Variants in ATP6V0D1 observed in about 807,000 individuals in gnomAD.
ATP6V0D1 encodes V-type proton ATPase subunit d 1.
A neutral mutation model predicts 39.0 loss-of-function variants in ATP6V0D1; 13 were observed. The observed-to-expected ratio is 0.33, with a 90% CI of 0.22 to 0.53. ATP6V0D1 has a LOEUF of 0.53. Ranked by LOEUF, ATP6V0D1 falls within the 20% of genes least tolerant of loss-of-function variation. ATP6V0D1 has a pLI of 0.94. For synonymous variants in ATP6V0D1, 191 were observed against 191.2 expected (o/e 1.00, Z 0.01); for missense variants, 272 against 470.9 (o/e 0.58, Z 3.91).
At chr16:67,464,500 C>T (rs1354833067) in intron 1 of ATP6V0D1, among the ~76,000 whole-genome samples, 1 of 152,180 alleles carries the variant, frequency 6.6e-6, no homozygotes, top group East Asian at 1.9e-4. Flanking sequence ...TCGTCAGGCC[C>T]AGACCACATT....
intron 2 of ATP6V0D1, chr16:67,446,002 G>A (rs781563701): frequency 2.2e-6 from 1 of 455,002 alleles, no homozygotes; most frequent in East Asian, 6.9e-5. Flanking sequence ...CTGCTGTTCT[G>A]AGCTGGGCAC....
Position 67,453,525 on chromosome 16 carries a change from C to T in ATP6V0D1, c.302+19G>A, listed in dbSNP as rs112471158. Reference sequence around the variant, plus strand: ...ATCCTGCCCAGGTAAGAGAAGAAGGCGCTACAAAGCACACTCACGTAATGA... The same window carrying T: ...ATCCTGCCCAGGTAAGAGAAGAAGGTGCTACAAAGCACACTCACGTAATGA... On this transcript the variant is annotated intron_variant, in intron 2 of 7. Coordinates refer to ENST00000290949, the MANE Select transcript of ATP6V0D1 (RefSeq NM_004691.5). The surrounding 1 kb of genome is among the most constrained non-coding windows in gnomAD (Gnocchi z 4.1). 8.1e-5 allele frequency: 131 copies of T among 1,612,746 alleles called. No individual in the cohort carries two copies. Among genetic ancestry groups the T allele is most frequent in the African/African-American group, 3.2e-4 (24 of 75,028 alleles).
At chr16:67,446,708 T>C (rs746348439) in intron 2 of ATP6V0D1, among the ~76,000 whole-genome samples, 1 of 152,100 alleles carries the variant, frequency 6.6e-6, no homozygotes, top group Non-Finnish European at 1.5e-5. Flanking sequence ...ATACTCTAAC[T>C]GCACCCCATC....
intron 1 of ATP6V0D1, among the ~76,000 whole-genome samples, chr16:67,473,487 T>C (rs1320079267): frequency 1.3e-5 from 2 of 152,046 alleles, no homozygotes; most frequent in Non-Finnish European, 2.9e-5. Flanking sequence ...TAGCTGAGGT[T>C]ACAGGTGCCC....
Position 67,444,766 on chromosome 16 carries a change from T to TGGTGCTATGCC in ATP6V0D1, c.303-61_303-60insGGCATAGCACC. 6.8e-7 allele frequency: 1 copy of TGGTGCTATGCC among 1,472,566 alleles called. No individual in the cohort carries two copies. Among genetic ancestry groups the TGGTGCTATGCC allele is most frequent in the Non-Finnish European group, 9.1e-7 (1 of 1,097,224 alleles). The allele number at this position is 1,472,566 out of a possible 1,614,324, so 91.2% of individuals were successfully genotyped here. On this transcript the variant is annotated intron_variant, in intron 2 of 7. Coordinates refer to ENST00000290949, the MANE Select transcript of ATP6V0D1 (RefSeq NM_004691.5). The surrounding 1 kb of genome is among the most constrained non-coding windows in gnomAD (Gnocchi z 4.8). ...AGGTGGGGGCCGGGAAGTCCTGGCA[T>TGGTGCTATGCC]AGCACCATGCCCTCGCCCGCCTGCA...
rs1310909641 is a variant in ATP6V0D1, at chr16:67,447,844, C to T, written c.303-3138G>A. Among the ~76,000 whole-genome samples the T allele has an allele frequency of 2.0e-5, 3 of 152,232 alleles. No homozygotes were observed. The highest frequency in any genetic ancestry group is 6.5e-5 in the Admixed American group (1 of 15,290). On this transcript the variant is annotated intron_variant, in intron 2 of 7. Coordinates refer to ENST00000290949, the MANE Select transcript of ATP6V0D1 (RefSeq NM_004691.5). The surrounding 1 kb of genome is among the most constrained non-coding windows in gnomAD (Gnocchi z 4.1). ...GGTGGCTGGTCTGGTGCTGGTGAGG[C>T]AGCCATGATGCCTGGGTAACCCTGC... is the stretch of plus-strand genomic sequence containing the variant.
chr16:67,478,957 A>T (rs185594244), intron 1 of ATP6V0D1, among the ~76,000 whole-genome samples: 73 of 152,256 alleles, frequency 4.8e-4, no homozygotes, highest in East Asian at 3.3e-3. Flanking sequence ...ATTTAGGCAA[A>T]TAAAGACCTT....
At chr16:67,450,856 C>G in intron 2 of ATP6V0D1, among the ~76,000 whole-genome samples, 1 of 152,106 alleles carries the variant, frequency 6.6e-6, no homozygotes, top group Non-Finnish European at 1.5e-5. Context: ...GTGGAAGGAT[C>G]CAAGAGAAAA....
At chr16:67,450,345 C>A (rs941242343) in intron 2 of ATP6V0D1, among the ~76,000 whole-genome samples, 2 of 152,154 alleles carry the variant, frequency 1.3e-5, no homozygotes, top group African/African-American at 4.8e-5. Flanking sequence ...GCCAAACTAG[C>A]CACCTCCTCA....
At position 67,457,207 on chromosome 16, in the gene ATP6V0D1, A is replaced by T; in HGVS notation, c.131-3492T>A. The T allele has an allele frequency of 3.4e-5, 8 of 232,862 alleles. No individual in the cohort carries two copies. In the South Asian group the frequency reaches 4.0e-4, roughly 12 times the overall value. The allele number at this position is 232,862 out of a possible 1,614,324, so 14.4% of individuals were successfully genotyped here. On this transcript the variant is annotated intron_variant, in intron 1 of 7. Coordinates refer to ENST00000290949, the MANE Select transcript of ATP6V0D1 (RefSeq NM_004691.5). ...GTGTACTCATCCCCATGCCAGGAGC[A>T]ACCTGTGTGCTGGACCTCTCAACCA...
chr16:67,476,619 G>T (rs2041416507), intron 1 of ATP6V0D1, among the ~76,000 whole-genome samples: 2 of 152,122 alleles, frequency 1.3e-5, no homozygotes, highest in Non-Finnish European at 2.9e-5. Flanking sequence ...AACTACAGAA[G>T]GAAACAGAAT....
At chr16:67,463,312 C>G (rs1413853861) in intron 1 of ATP6V0D1, among the ~76,000 whole-genome samples, 1 of 152,172 alleles carries the variant, frequency 6.6e-6, no homozygotes, top group Non-Finnish European at 1.5e-5. Context: ...GGGAGGATCA[C>G]TTGAGCCCAG....
At chr16:67,468,052 G>C (rs993294791) in intron 1 of ATP6V0D1, among the ~76,000 whole-genome samples, 2 of 152,320 alleles carry the variant, frequency 1.3e-5, no homozygotes, top group East Asian at 1.9e-4. Flanking sequence ...TAATGCAGGA[G>C]AGACTCTGCT....
rs1463554605 is a variant in ATP6V0D1, at chr16:67,453,674, G to A, written c.172C>T (p.Leu58=). 6 of 1,614,006 alleles carry A rather than the reference G, an allele frequency of 3.7e-6. No homozygotes were observed. The highest frequency in any genetic ancestry group is 5.1e-6 in the Non-Finnish European group (6 of 1,180,020). Reference sequence around the variant, plus strand: ...GTCAGAGGTGATGCCTCGTTGGCCAGGAAGTTACCATAATCAGTGCTCTGC... The same window carrying A: ...GTCAGAGGTGATGCCTCGTTGGCCAAGAAGTTACCATAATCAGTGCTCTGC... ...HLQSTDYGNF[L]ANEASPLTVS... is the part of the protein sequence containing the mutation. The change falls in exon 2 of 8, where the codon CTG becomes TTG. Residue 58 remains leucine, a synonymous_variant. Coordinates refer to ENST00000290949, the MANE Select transcript of ATP6V0D1 (RefSeq NM_004691.5). The surrounding 1 kb of genome is among the most constrained non-coding windows in gnomAD (Gnocchi z 4.1).
chr16:67,452,261 G>A, intron 2 of ATP6V0D1: 1 of 1,535,570 alleles, frequency 6.5e-7, no homozygotes, highest in Non-Finnish European at 8.7e-7. Context: ...AGGGCAGCAA[G>A]GAGACTCTCA....
rs1346787104 is a variant in ATP6V0D1, at chr16:67,457,721, C to T, written c.131-4006G>A. 11 of 1,098,216 alleles carry T rather than the reference C, an allele frequency of 1.0e-5. No individual in the cohort carries two copies. The East Asian group carries it at 4.7e-4, about 47-fold the overall frequency. The allele number at this position is 1,098,216 out of a possible 1,614,324, so 68.0% of individuals were successfully genotyped here. A position where few individuals can be genotyped will look rare whatever the true frequency, so the allele number is the denominator to read the frequency against. On this transcript the variant is annotated intron_variant, in intron 1 of 7. Coordinates refer to ENST00000290949, the MANE Select transcript of ATP6V0D1 (RefSeq NM_004691.5). ...CAAGCAGAGGGCTCTCTTCTGCAGG[C>T]CCCCCACTCCTGGGCTCAGCAAGGG...
intron 1 of ATP6V0D1, among the ~76,000 whole-genome samples, chr16:67,458,012 A>ATC (rs995204341): frequency 5.9e-4 from 90 of 152,158 alleles, no homozygotes; most frequent in African/African-American, 2.1e-3. Flanking sequence ...CAAACCCCAC[A>ATC]TCTCCCTGTG....
intron 4 of ATP6V0D1, chr16:67,439,618 AC>A (rs2041023870): frequency 1.9e-6 from 1 of 513,068 alleles, no homozygotes; most frequent in South Asian, 2.7e-5. Flanking sequence ...AGTCTCCTTC[AC>A]CCCCTCACCT....
At chr16:67,461,873 C>G (rs1353116996) in intron 1 of ATP6V0D1, among the ~76,000 whole-genome samples, 1 of 152,196 alleles carries the variant, frequency 6.6e-6, no homozygotes, top group Non-Finnish European at 1.5e-5. Context: ...TTCATCACCC[C>G]ACTCCCTGCT....
Sources: allele counts gnomAD v4.1 joint callset (sites outside exome capture counted in the v4.1 genomes callset), GRCh38; gene constraint gnomAD v4.1.1; non-coding constraint Gnocchi (gnomAD v3.1); transcripts MANE v1.5; gene names NCBI Gene and HGNC (gene_info 2026-07-23, HGNC 2026-07-21).